Variants in FRYL observed in about 807,000 individuals in gnomAD.
The protein encoded by FRYL is FRY like transcription coactivator, also known as protein furry homolog-like.
Under a neutral mutation model 351.2 loss-of-function variants are expected in FRYL, and 150 were observed. The ratio of observed to expected loss-of-function variants is 0.43; its 90% confidence interval spans 0.37 to 0.49. The LOEUF (loss-of-function observed/expected upper bound fraction) is 0.49, where lower values mean the gene tolerates loss of function less well. Among genes scored for constraint, FRYL ranks in the 20% least tolerant of loss-of-function variants. The pLI is 0.00. For missense variants in FRYL, 3,036 were observed against 3,619.3 expected (o/e 0.84, Z 4.13); for synonymous variants, 1,153 against 1,257.1 (o/e 0.92, Z 1.75).
At chr4:48,698,859 C>G (rs1417028959) in intron 2 of FRYL, among the ~76,000 whole-genome samples, 1 of 150,022 alleles carries the variant, frequency 6.7e-6, no homozygotes, top group Non-Finnish European at 1.5e-5. Context: ...TCAGTCTAAA[C>G]AAGTAACAAA....
chr4:48,616,185 G>A (rs1324283224), intron 7 of FRYL, among the ~76,000 whole-genome samples: 2 of 151,056 alleles, frequency 1.3e-5, no homozygotes, highest in African/African-American at 2.4e-5. Context: ...ACCTGCATGT[G>A]CTGCACATGT....
At chr4:48,542,927 A>C (rs1362991048) in intron 44 of FRYL, among the ~76,000 whole-genome samples, 1 of 152,042 alleles carries the variant, frequency 6.6e-6, no homozygotes, top group African/African-American at 2.4e-5. Context: ...TTCCCTCAAA[A>C]TGTCTGAGTA....
intron 1 of FRYL, among the ~76,000 whole-genome samples, chr4:48,728,343 G>A (rs1382528444): frequency 6.6e-6 from 1 of 151,610 alleles, no homozygotes; most frequent in African/African-American, 2.4e-5. Flanking sequence ...AAAAAGAGTG[G>A]GGGAAAAAAA....
At chr4:48,592,152 T>C (rs1160343209) in intron 16 of FRYL, among the ~76,000 whole-genome samples, 1 of 146,408 alleles carries the variant, frequency 6.8e-6, no homozygotes, top group African/African-American at 2.6e-5. Context: ...AGCTTCACTC[T>C]TCTTTATATA....
At chr4:48,581,122 T>C (rs1222608146) in intron 21 of FRYL, among the ~76,000 whole-genome samples, 171 bp from the exon 22 acceptor site, 2 of 151,118 alleles carry the variant, frequency 1.3e-5, no homozygotes, top group African/African-American at 4.9e-5. Context: ...CTCGGCTCAC[T>C]GCAAACTCCG....
intron 19 of FRYL, among the ~76,000 whole-genome samples, chr4:48,585,662 A>C (rs983939472): frequency 6.6e-6 from 1 of 152,236 alleles, no homozygotes; most frequent in African/African-American, 2.4e-5. Flanking sequence ...CTTTTGTACT[A>C]TAATGGCAGA....
intron 62 of FRYL, 24 bp downstream of exon 62, chr4:48,501,599 T>C (rs1577804992): frequency 1.6e-6 from 2 of 1,246,838 alleles, no homozygotes; most frequent in Admixed American, 3.5e-5. Flanking sequence ...CAGTTACTGA[T>C]GCCTAATACA....
At chr4:48,678,507 C>A (rs1310106346) in intron 3 of FRYL, among the ~76,000 whole-genome samples, 30 of 71,768 alleles carry the variant, frequency 4.2e-4, no homozygotes, top group East Asian at 2.6e-3. Context: ...AACTCCATCT[C>A]AAAAAAAAAA....
At chr4:48,507,732 G>GAT (rs1379274023) in intron 59 of FRYL, among the ~76,000 whole-genome samples, 2 of 152,154 alleles carry the variant, frequency 1.3e-5, no homozygotes, top group South Asian at 4.1e-4. Flanking sequence ...TAGATAGATA[G>GAT]ATAGATCGTG....
intron 19 of FRYL, 35 bp from the exon 20 acceptor site, chr4:48,582,769 T>A: frequency 7.5e-7 from 1 of 1,335,026 alleles, no homozygotes; most frequent in Non-Finnish European, 1.1e-6. Flanking sequence ...CAAACTTCAA[T>A]ACCTTTCAAT....
intron 4 of FRYL, among the ~76,000 whole-genome samples, chr4:48,625,655 A>C (rs1352651938): frequency 6.6e-6 from 1 of 152,186 alleles, no homozygotes; most frequent in Non-Finnish European, 1.5e-5. Context: ...ATACCACGCC[A>C]TGTTATATAA....
intron 47 of FRYL, among the ~76,000 whole-genome samples, chr4:48,537,407 A>G (rs907886780): frequency 2.6e-5 from 4 of 152,204 alleles, no homozygotes; most frequent in Non-Finnish European, 4.4e-5. Context: ...TATTTTTGCC[A>G]TAACGAATCA....
In FRYL at chr4:48,572,010, A is replaced by G. The variant is rs1247244595; in HGVS notation, c.2905-1092T>C. On this transcript the variant is annotated intron_variant, in intron 26 of 63. Coordinates refer to ENST00000358350, the MANE Select transcript of FRYL (RefSeq NM_015030.2). ...TCATTCTGAAACAAAAATCAAATCAATGACAAAATAGGAATACTATCATGA... is the reference window on the plus strand; with the variant it reads ...TCATTCTGAAACAAAAATCAAATCAGTGACAAAATAGGAATACTATCATGA... 6.1e-6 allele frequency: 6 copies of G among 984,304 alleles called. No individual in the cohort carries two copies. The African/African-American group carries it at 7.0e-5, about 11-fold the overall frequency. The allele number at this position is 984,304 out of a possible 1,614,324, so 61.0% of individuals were successfully genotyped here.
intron 1 of FRYL, among the ~76,000 whole-genome samples, chr4:48,761,677 A>G (rs1774435239): frequency 6.6e-6 from 1 of 152,154 alleles, no homozygotes; most frequent in Non-Finnish European, 1.5e-5. Flanking sequence ...AAACATAGAA[A>G]AGTATCTAGA....
At chr4:48,627,173 A>C (rs1295939909) in intron 4 of FRYL, among the ~76,000 whole-genome samples, 1 of 152,188 alleles carries the variant, frequency 6.6e-6, no homozygotes, top group Non-Finnish European at 1.5e-5. Flanking sequence ...AAGTGACTAT[A>C]TTGAAAAATC....
intron 3 of FRYL, among the ~76,000 whole-genome samples, chr4:48,665,055 G>C (rs1761472228): frequency 6.6e-6 from 1 of 152,140 alleles, no homozygotes; most frequent in Non-Finnish European, 1.5e-5. Context: ...ATACTCATAA[G>C]TTAGCAACAT....
Position 48,620,755 on chromosome 4 carries a change from T to G in FRYL, c.198A>C (p.Val66=). 1.2e-6 allele frequency: 2 copies of G among 1,613,756 alleles called. No individual in the cohort carries two copies. Among genetic ancestry groups the G allele is most frequent in the Non-Finnish European group, 8.5e-7 (1 of 1,179,708 alleles). ...FDQLISSMSS[V]AEHCLPSLLR... ...GTAAGGAAGGGAGACAGTGCTCTGC[T>G]ACTGAGCTCATAGAGCTTATCAACT... The change falls in exon 6 of 64, where the codon GTA becomes GTC. Residue 66 remains valine, a synonymous_variant. Coordinates refer to ENST00000358350, the MANE Select transcript of FRYL (RefSeq NM_015030.2).
intron 1 of FRYL, among the ~76,000 whole-genome samples, chr4:48,719,377 G>C (rs1403596557): frequency 6.6e-6 from 1 of 151,538 alleles, no homozygotes; most frequent in Non-Finnish European, 1.5e-5. Flanking sequence ...CATTTTTAAA[G>C]TAGAAAGTCA....
intron 59 of FRYL, among the ~76,000 whole-genome samples, chr4:48,509,725 C>T (rs1412635468): frequency 2.0e-5 from 3 of 152,172 alleles, no homozygotes; most frequent in African/African-American, 4.8e-5. Flanking sequence ...ACAGCTTTGT[C>T]AGAGGTTGTG....
Sources: gnomAD v4.1 joint callset for allele counts (sites outside exome capture counted in the v4.1 genomes callset) on GRCh38, gnomAD v4.1.1 for gene constraint, MANE v1.5 for transcripts, NCBI Gene and HGNC (gene_info 2026-07-23, HGNC 2026-07-21) for gene names.